MDGA2: variants seen among roughly 807,000 people sequenced by gnomAD.
The protein encoded by MDGA2 is MAM domain containing glycosylphosphatidylinositol anchor 2.
MDGA2 carries 40 observed loss-of-function variants against 117.8 expected under a neutral mutation model. The ratio of observed to expected loss-of-function variants is 0.34; its 90% CI spans 0.26 to 0.44. The LOEUF is 0.44. MDGA2 is among the 20% of genes least tolerant of loss of function. The pLI, the probability that MDGA2 is intolerant of heterozygous loss-of-function variation, is 1.00. For missense variants in MDGA2, 1,123 were observed against 1,250.6 expected, an observed-to-expected ratio of 0.90 and a Z score of 1.54; for synonymous variants, 452 against 439.0, an observed-to-expected ratio of 1.03 and a Z score of -0.37.
intron 3 of MDGA2, among the ~76,000 whole-genome samples, chr14:47,173,405 T>C (rs1365346521): frequency 5.3e-5 from 8 of 152,200 alleles, no homozygotes; most frequent in African/African-American, 7.2e-5. Context: ...GAGAGAAAGG[T>C]TGGGTTACCC....
chr14:47,454,079 C>T (rs1170068793), intron 1 of MDGA2, among the ~76,000 whole-genome samples: 2 of 152,152 alleles, frequency 1.3e-5, no homozygotes, highest in East Asian at 1.9e-4. Context: ...AGATTATGTA[C>T]TCCCTCTGCT....
chr14:47,568,207 G>T lies in MDGA2; in HGVS notation c.280+106310C>A, dbSNP rs576916024. On this transcript the variant is annotated intron_variant, in intron 1 of 16. Coordinates refer to ENST00000399232, the MANE Select transcript of MDGA2 (RefSeq NM_001113498.3). ...AGACTAAAGTCATCAACCAACTGCTGTTCTGGGGGATTTTACTCCAGTACC... is the reference window on the plus strand; with the variant it reads ...AGACTAAAGTCATCAACCAACTGCTTTTCTGGGGGATTTTACTCCAGTACC... Among the ~76,000 whole-genome samples the T allele has an allele frequency of 4.9e-4, 75 of 152,282 alleles. 1 individual carries two copies. Among genetic ancestry groups the T allele is most frequent in the African/African-American group, 1.8e-3 (74 of 41,570 alleles).
intron 15 of MDGA2, 29 bp from the exon 16 acceptor site, chr14:46,845,900 T>C: frequency 7.3e-6 from 11 of 1,510,718 alleles, no homozygotes; most frequent in Non-Finnish European, 1.0e-5. Context: ...CAAACCTAAA[T>C]GTGGAGCTTT....
chr14:47,410,625 A>AAG lies in MDGA2; in HGVS notation c.281-109077_281-109076dup, dbSNP rs557991556. Among the ~76,000 whole-genome samples the AAG allele has an allele frequency of 7.0e-4, 106 of 151,970 alleles. 2 individuals are homozygous for AAG. In the South Asian group the frequency reaches 0.019, roughly 27 times the overall value. On this transcript the variant is annotated intron_variant, in intron 1 of 16. Coordinates refer to ENST00000399232, the MANE Select transcript of MDGA2 (RefSeq NM_001113498.3). ...TGTAAATGAATCAAATGCATGGCTG[A>AAG]AGAGAGAGAGAGAAAATACGCCATT...
intron 5 of MDGA2, among the ~76,000 whole-genome samples, chr14:47,105,203 G>A (rs1207918576): frequency 2.6e-5 from 4 of 152,138 alleles, no homozygotes; most frequent in African/African-American, 9.7e-5. Context: ...TTAGTGGCAA[G>A]TCCTGCTTTC....
intron 10 of MDGA2, among the ~76,000 whole-genome samples, chr14:46,889,024 T>C (rs1882773784): frequency 6.6e-6 from 1 of 152,008 alleles, no homozygotes; most frequent in Non-Finnish European, 1.5e-5. Context: ...ATCAGGAAGA[T>C]GACATTTTCA....
chr14:47,343,007 G>A (rs1322475615), intron 1 of MDGA2: 12 of 1,183,910 alleles, frequency 1.0e-5, no homozygotes, highest in South Asian at 2.5e-5. Context: ...TACCTCAGGG[G>A]AGTCAGCCAC....
At chr14:47,247,511 C>A (rs1365703660) in intron 2 of MDGA2, among the ~76,000 whole-genome samples, 2 of 151,468 alleles carry the variant, frequency 1.3e-5, no homozygotes, top group African/African-American at 2.4e-5. Context: ...CCATGTTGGT[C>A]AGGCTGGTCT....
At chr14:46,944,663 C>T (rs889622811) in intron 9 of MDGA2, among the ~76,000 whole-genome samples, 1 of 151,880 alleles carries the variant, frequency 6.6e-6, no homozygotes, top group Non-Finnish European at 1.5e-5. Context: ...CAGGTTGTAT[C>T]AGCTCTTTCA....
chr14:47,136,509 A>T (rs1882465667), intron 4 of MDGA2, among the ~76,000 whole-genome samples: 1 of 152,036 alleles, frequency 6.6e-6, no homozygotes, highest in African/African-American at 2.4e-5. Context: ...ATATGAAGAG[A>T]TTTCAACCTA....
At chr14:46,929,668 C>T (rs10133491) in intron 9 of MDGA2, among the ~76,000 whole-genome samples, 25,928 of 32,746 alleles carry the variant, frequency 0.79, 10,371 homozygotes, top group Non-Finnish European at 0.81. Context: ...TTTTTTTTTT[C>T]GAGATGGACT....
rs941256063 is a variant in MDGA2, at chr14:46,854,983, CTCATTTACAG to C, written c.2883+31_2883+40del. ...CTCAAGATCCACCTTTAATATTATGCTCATTTACAGCAATTAATTAGCCAAAACTACTTTT... is the reference window on the plus strand; with the variant it reads ...CTCAAGATCCACCTTTAATATTATGCCAATTAATTAGCCAAAACTACTTTT... On this transcript the variant is annotated intron_variant, in intron 15 of 16. Transcript: ENST00000399232. 6.6e-6 allele frequency: 10 copies of C among 1,506,554 alleles called. 1 individual carries two copies. The Admixed American group carries it at 1.5e-4, about 22-fold the overall frequency. The allele number at this position is 1,506,554 out of a possible 1,614,324, so 93.3% of individuals were successfully genotyped here.
chr14:47,245,352 C>T (rs543333590), intron 2 of MDGA2, among the ~76,000 whole-genome samples: 17 of 151,870 alleles, frequency 1.1e-4, no homozygotes, highest in South Asian at 4.2e-4. Flanking sequence ...ATACAACATA[C>T]AAAATATGTG....
intron 1 of MDGA2, among the ~76,000 whole-genome samples, chr14:47,333,191 A>G (rs1017292653): frequency 4.6e-5 from 7 of 151,870 alleles, no homozygotes; most frequent in African/African-American, 1.7e-4. Context: ...TGGTAGTTCT[A>G]TTTTTAATTA....
chr14:47,322,646 G>A (rs1890015204), intron 1 of MDGA2, among the ~76,000 whole-genome samples: 1 of 152,112 alleles, frequency 6.6e-6, no homozygotes, highest in Non-Finnish European at 1.5e-5. Context: ...CGTAACTTCT[G>A]TGGTATATCC....
chr14:47,032,415 G>A (rs1047672905), intron 8 of MDGA2, among the ~76,000 whole-genome samples: 11 of 151,944 alleles, frequency 7.2e-5, no homozygotes, highest in South Asian at 6.2e-4. Flanking sequence ...AGCATGACCC[G>A]GTCTCTACAC....
chr14:47,522,867 A>C (rs1222129149), intron 1 of MDGA2, among the ~76,000 whole-genome samples: 1 of 152,194 alleles, frequency 6.6e-6, no homozygotes, highest in Non-Finnish European at 1.5e-5. Flanking sequence ...GAGGCAATTC[A>C]ATCTATTTTG....
At chr14:47,200,166 A>T (rs1204446264) in intron 3 of MDGA2, among the ~76,000 whole-genome samples, 1 of 152,016 alleles carries the variant, frequency 6.6e-6, no homozygotes, top group African/African-American at 2.4e-5. Context: ...ATATAGTAAT[A>T]AGGATGACCA....
At chr14:47,057,375 T>TA (rs1889715952) in intron 7 of MDGA2, among the ~76,000 whole-genome samples, 5 of 152,050 alleles carry the variant, frequency 3.3e-5, no homozygotes, top group African/African-American at 1.2e-4. Context: ...GTAAGCTCCT[T>TA]AAGGGCAAGG....
Sources: gnomAD v4.1 joint callset for allele counts (sites outside exome capture counted in the v4.1 genomes callset) on GRCh38, gnomAD v4.1.1 for gene constraint, MANE v1.5 for transcripts, NCBI Gene and HGNC (gene_info 2026-07-23, HGNC 2026-07-21) for gene names.